Variants in KCNH1 observed in about 807,000 individuals in gnomAD.
KCNH1 encodes the protein potassium voltage-gated channel subfamily H member 1.
In KCNH1, 27 loss-of-function variants were observed where a neutral mutation model predicts 69.2. The observed-to-expected ratio is 0.39, with a 90% CI of 0.29 to 0.54. KCNH1 has a LOEUF of 0.54. Ranked by LOEUF, KCNH1 falls within the 20% of genes least tolerant of loss-of-function variation. The pLI is 0.68. For synonymous variants in KCNH1, 456 were observed against 487.7 expected (o/e 0.93, Z 0.86); for missense variants, 798 against 1,261.6 (o/e 0.63, Z 5.57).
intron 9 of KCNH1, among the ~76,000 whole-genome samples, chr1:210,777,402 T>G (rs1683883425): frequency 2.0e-5 from 3 of 152,186 alleles, no homozygotes; most frequent in South Asian, 4.1e-4. Flanking sequence ...ATGCTTGGGG[T>G]AGCTTCCAGG....
chr1:210,718,581 A>G (rs1455254185), intron 10 of KCNH1, among the ~76,000 whole-genome samples: 1 of 129,068 alleles, frequency 7.7e-6, no homozygotes, highest in African/African-American at 2.9e-5. Flanking sequence ...ATTTATATAT[A>G]TAAAATACCA....
At chr1:210,804,199 T>C in intron 7 of KCNH1, 33 bp from the exon 8 acceptor site, 1 of 1,561,552 alleles carries the variant, frequency 6.4e-7, no homozygotes. Context: ...AAAGAAGAAA[T>C]AACAAGTTAG....
At chr1:210,741,106 TAA>T (rs1044016153) in intron 10 of KCNH1, among the ~76,000 whole-genome samples, 1 of 152,196 alleles carries the variant, frequency 6.6e-6, no homozygotes, top group Non-Finnish European at 1.5e-5. Context: ...CAGGCTATGA[TAA>T]AGTGGTCACT....
chr1:210,714,837 G>GTTGAC (rs1196898722), intron 10 of KCNH1, among the ~76,000 whole-genome samples: 2 of 152,224 alleles, frequency 1.3e-5, no homozygotes, highest in East Asian at 1.9e-4. Context: ...AATGAATCTT[G>GTTGAC]TTGACTTGAT....
At chr1:210,714,013 G>A (rs1316135847) in intron 10 of KCNH1, among the ~76,000 whole-genome samples, 1 of 152,100 alleles carries the variant, frequency 6.6e-6, no homozygotes, top group Non-Finnish European at 1.5e-5. Flanking sequence ...TATGAATATC[G>A]ACATTTTTTT....
chr1:211,082,674 G>T (rs1230982189), intron 5 of KCNH1, 106 bp downstream of exon 5: 3 of 839,532 alleles, frequency 3.6e-6, no homozygotes, highest in East Asian at 2.4e-5. Flanking sequence ...GCGTCTGGGG[G>T]TCCTGAAGGT....
intron 7 of KCNH1, among the ~76,000 whole-genome samples, chr1:210,900,403 T>C (rs972220538): frequency 1.4e-4 from 22 of 152,232 alleles, no homozygotes; most frequent in Non-Finnish European, 2.9e-4. Flanking sequence ...TTCAGCTACA[T>C]ACATCTTTGA....
At chr1:211,047,404 G>A (rs1690112685) in intron 5 of KCNH1, among the ~76,000 whole-genome samples, 1 of 152,206 alleles carries the variant, frequency 6.6e-6, no homozygotes, top group African/African-American at 2.4e-5. Flanking sequence ...AGGGAGGTGG[G>A]GAATGGGCAG....
chr1:211,107,095 C>T (rs934278103), intron 2 of KCNH1, among the ~76,000 whole-genome samples, 159 bp downstream of exon 2: 33 of 152,082 alleles, frequency 2.2e-4, no homozygotes, highest in African/African-American at 7.7e-4. Flanking sequence ...CTTTGATTTT[C>T]CCTGTACAGT....
At chr1:210,966,293 A>C (rs1574366872) in intron 6 of KCNH1, among the ~76,000 whole-genome samples, 1 of 152,110 alleles carries the variant, frequency 6.6e-6, no homozygotes, top group Non-Finnish European at 1.5e-5. Context: ...AGAAGAAAAC[A>C]TAGGCAATAC....
At chr1:210,833,700 A>C (rs1461315489) in intron 7 of KCNH1, among the ~76,000 whole-genome samples, 3 of 152,184 alleles carry the variant, frequency 2.0e-5, no homozygotes, top group Admixed American at 6.5e-5. Flanking sequence ...TAATTAAACT[A>C]AAGAGCTTCT....
At chr1:211,132,170 G>A (rs1035198735) in intron 1 of KCNH1, among the ~76,000 whole-genome samples, 3 of 152,182 alleles carry the variant, frequency 2.0e-5, no homozygotes, top group Non-Finnish European at 2.9e-5. Flanking sequence ...CTGAAAAATA[G>A]AATTGTCATT....
intron 7 of KCNH1, among the ~76,000 whole-genome samples, chr1:210,915,019 TA>T (rs2102554294): frequency 6.6e-6 from 1 of 152,272 alleles, no homozygotes; most frequent in South Asian, 2.1e-4. Flanking sequence ...GCAAAGCCCA[TA>T]TTTAGAAAAT....
chr1:210,724,329 T>C (rs1297796658), intron 10 of KCNH1, among the ~76,000 whole-genome samples: 3 of 152,256 alleles, frequency 2.0e-5, no homozygotes, highest in Non-Finnish European at 4.4e-5. Flanking sequence ...ATGATTTCAA[T>C]GTGCAGCCAA....
intron 9 of KCNH1, among the ~76,000 whole-genome samples, chr1:210,791,458 G>C (rs1435383620): frequency 6.6e-6 from 1 of 152,178 alleles, no homozygotes; most frequent in Non-Finnish European, 1.5e-5. Context: ...CTCATGGAAA[G>C]GTTGCTCAGT....
chr1:210,856,481 A>G (rs1347993360), intron 7 of KCNH1, among the ~76,000 whole-genome samples: 3 of 152,244 alleles, frequency 2.0e-5, no homozygotes, highest in African/African-American at 7.2e-5. Context: ...GTTGAGCAAG[A>G]TGAAACATTA....
chr1:211,014,893 G>A (rs1470407898), intron 6 of KCNH1, among the ~76,000 whole-genome samples: 1 of 152,192 alleles, frequency 6.6e-6, no homozygotes, highest in Non-Finnish European at 1.5e-5. Flanking sequence ...GACAGCATAT[G>A]GTGAATAGGA....
At chr1:210,702,804 C>G (rs1383096124) in intron 10 of KCNH1, among the ~76,000 whole-genome samples, 1 of 152,202 alleles carries the variant, frequency 6.6e-6, no homozygotes, top group Non-Finnish European at 1.5e-5. Context: ...GGCTCCTTTT[C>G]CATTTTAGCC....
At chr1:210,848,241 T>C (rs1685604215) in intron 7 of KCNH1, among the ~76,000 whole-genome samples, 1 of 152,230 alleles carries the variant, frequency 6.6e-6, no homozygotes, top group African/African-American at 2.4e-5. Context: ...ACCATATCTC[T>C]TTCCTGTCAT....
Sources: allele counts gnomAD v4.1 joint callset (sites outside exome capture counted in the v4.1 genomes callset), GRCh38; gene constraint gnomAD v4.1.1; transcripts MANE v1.5; gene names NCBI Gene and HGNC (gene_info 2026-07-23, HGNC 2026-07-21).